SH3D19: variants seen among roughly 807,000 people sequenced by gnomAD.
The protein encoded by SH3D19 is SH3 domain-containing protein 19.
Under a neutral mutation model 112.1 loss-of-function variants are expected in SH3D19, and 58 were observed. The ratio of observed to expected loss-of-function variants is 0.52; its 90% CI spans 0.42 to 0.64. SH3D19 has a LOEUF of 0.64. SH3D19 is among the 30% of genes least tolerant of loss of function. The probability of loss-of-function intolerance (pLI) is 0.00; values close to 1 mark genes in which losing one functional copy is unlikely to be tolerated. For missense variants in SH3D19, 1,090 were observed against 1,263.4 expected (o/e 0.86, Z 2.08); for synonymous variants, 391 against 448.5 (o/e 0.87, Z 1.62).
At chr4:151,152,987 C>A (rs1755359740) in intron 9 of SH3D19, among the ~76,000 whole-genome samples, 1 of 151,800 alleles carries the variant, frequency 6.6e-6, no homozygotes. Flanking sequence ...AGGCACGTGC[C>A]ACCACACCCG....
intron 1 of SH3D19, among the ~76,000 whole-genome samples, chr4:151,266,419 A>C (rs1311551070): frequency 2.0e-5 from 3 of 152,222 alleles, no homozygotes; most frequent in Non-Finnish European, 4.4e-5. Flanking sequence ...TTTGTAAGTG[A>C]AATGCTCATG....
intron 1 of SH3D19, among the ~76,000 whole-genome samples, chr4:151,235,047 G>T (rs938949532): frequency 6.6e-6 from 1 of 152,074 alleles, no homozygotes; most frequent in African/African-American, 2.4e-5. Flanking sequence ...ATCACACCCA[G>T]CCTCCAACTT....
intron 1 of SH3D19, among the ~76,000 whole-genome samples, chr4:151,230,929 A>G (rs1013897360): frequency 1.3e-5 from 2 of 152,148 alleles, no homozygotes; most frequent in South Asian, 4.1e-4. Flanking sequence ...TCTTTAGCAG[A>G]TGCATTACCA....
chr4:151,175,897 G>A (rs1180936003), intron 6 of SH3D19, among the ~76,000 whole-genome samples: 1 of 151,632 alleles, frequency 6.6e-6, no homozygotes, highest in Non-Finnish European at 1.5e-5. Context: ...TTGAGACAGG[G>A]TCTTGCTCTG....
At position 151,160,991 on chromosome 4, in the gene SH3D19, G is replaced by C. The variant is rs181842236; in HGVS notation, c.1643-1639C>G. Among the ~76,000 whole-genome samples, 67 of 152,260 alleles carry C rather than the reference G, an allele frequency of 4.4e-4. No individual in the cohort carries two copies. The East Asian group carries it at 9.8e-3, about 22-fold the overall frequency. On this transcript the variant is annotated intron_variant, in intron 8 of 19. Coordinates refer to ENST00000604030, the MANE Select transcript of SH3D19 (RefSeq NM_001378122.1). ...TTACAAGGAAATAGTTAATCATATA[G>C]AGTATAATACTGTCGTGACAAATAT...
intron 1 of SH3D19, among the ~76,000 whole-genome samples, chr4:151,276,941 C>T (rs971328975): frequency 2.6e-5 from 4 of 152,118 alleles, no homozygotes; most frequent in African/African-American, 9.7e-5. Context: ...CCCTGCTCTC[C>T]CAGGACAGCA....
chr4:151,191,921 A>C (rs1762708247), intron 2 of SH3D19, among the ~76,000 whole-genome samples: 1 of 144,024 alleles, frequency 6.9e-6, no homozygotes, highest in South Asian at 2.2e-4. Flanking sequence ...CTGGGATTAC[A>C]GGCGTGAGCC....
At chr4:151,143,155 T>C (rs921698152) in intron 12 of SH3D19, among the ~76,000 whole-genome samples, 1 of 151,716 alleles carries the variant, frequency 6.6e-6, no homozygotes, top group African/African-American at 2.4e-5. Context: ...GAGGATTGCT[T>C]GAGCCGGGAA....
chr4:151,149,636 C>A, intron 9 of SH3D19, 75 bp from the exon 10 acceptor site: 1 of 1,340,762 alleles, frequency 7.5e-7, no homozygotes, highest in Non-Finnish European at 1.1e-6. Context: ...TTCTAGGCAA[C>A]CTTTTGGCTG....
intron 7 of SH3D19, among the ~76,000 whole-genome samples, chr4:151,169,906 AAAC>A (rs1429258342): frequency 6.6e-6 from 1 of 152,206 alleles, no homozygotes; most frequent in African/African-American, 2.4e-5. Context: ...AAAACAAACA[AAAC>A]AACCTGAATG....
At chr4:151,254,565 C>A (rs1305004628) in intron 1 of SH3D19, among the ~76,000 whole-genome samples, 1 of 147,320 alleles carries the variant, frequency 6.8e-6, no homozygotes, top group African/African-American at 2.5e-5. Context: ...TAACAAAGCA[C>A]ATCTTGCACC....
At chr4:151,293,763 T>C (rs1270925128) in intron 1 of SH3D19, among the ~76,000 whole-genome samples, 3 of 152,220 alleles carry the variant, frequency 2.0e-5, no homozygotes, top group Admixed American at 6.5e-5. Context: ...AAATCCCTTA[T>C]TGTGGCCTAC....
chr4:151,122,289 A>G, intron 19 of SH3D19, 82 bp from the exon 20 acceptor site: 1 of 721,166 alleles, frequency 1.4e-6, no homozygotes, highest in South Asian at 1.7e-5. Context: ...GGCAGCATGA[A>G]TAATCTTCTC....
chr4:151,306,016 G>A (rs1418339103), intron 1 of SH3D19, among the ~76,000 whole-genome samples: 1 of 152,138 alleles, frequency 6.6e-6, no homozygotes, highest in African/African-American at 2.4e-5. Context: ...CTGAGTAAAA[G>A]AAGCCCGTCT....
At chr4:151,125,863 AAAAG>A (rs1483162637) in intron 19 of SH3D19, among the ~76,000 whole-genome samples, 184 of 151,258 alleles carry the variant, frequency 1.2e-3, no homozygotes, top group African/African-American at 3.9e-3. Flanking sequence ...AAAAAAAAAA[AAAAG>A]AAAGGAAGGA....
chr4:151,185,037 C>T (rs1761533411), intron 3 of SH3D19, among the ~76,000 whole-genome samples: 1 of 105,966 alleles, frequency 9.4e-6, no homozygotes, highest in African/African-American at 3.5e-5. Context: ...ACAGCTGTGT[C>T]CTGTTTTTTT....
chr4:151,171,790 G>C (rs935592545), intron 7 of SH3D19, among the ~76,000 whole-genome samples: 3 of 152,124 alleles, frequency 2.0e-5, no homozygotes, highest in Admixed American at 1.3e-4. Flanking sequence ...CTGTGTAATG[G>C]GGCTGATGGC....
chr4:151,159,890 T>C (rs189213250), intron 8 of SH3D19, among the ~76,000 whole-genome samples: 1 of 152,212 alleles, frequency 6.6e-6, no homozygotes, highest in African/African-American at 2.4e-5. Flanking sequence ...CTAGATAATA[T>C]CCTACCTGTT....
chr4:151,184,588 C>G (rs1208063227), intron 3 of SH3D19, among the ~76,000 whole-genome samples: 1 of 136,836 alleles, frequency 7.3e-6, no homozygotes, highest in Non-Finnish European at 1.7e-5. Flanking sequence ...TATCCTCCTT[C>G]CTCTCTCTGC....
Sources: allele counts gnomAD v4.1 joint callset (sites outside exome capture counted in the v4.1 genomes callset), GRCh38; gene constraint gnomAD v4.1.1; transcripts MANE v1.5; gene names NCBI Gene and HGNC (gene_info 2026-07-23, HGNC 2026-07-21).